The following RAD17 variants were observed in gnomAD, a reference collection of about 807,000 sequenced individuals.
RAD17 encodes the protein cell cycle checkpoint protein RAD17.
RAD17 carries 31 observed loss-of-function variants against 81.5 expected under a neutral mutation model. The ratio of observed to expected loss-of-function variants is 0.38; its 90% CI spans 0.29 to 0.51. The LOEUF is 0.51. Ranked by LOEUF, RAD17 falls within the 20% of genes least tolerant of loss-of-function variation. The pLI is 0.88. For synonymous variants in RAD17, 261 were observed against 266.2 expected (o/e 0.98, Z 0.19); for missense variants, 681 against 781.2 (o/e 0.87, Z 1.53).
intron 17 of RAD17, among the ~76,000 whole-genome samples, chr5:69,406,917 A>G (rs763664718): frequency 6.6e-6 from 1 of 151,926 alleles, no homozygotes; most frequent in Non-Finnish European, 1.5e-5. Context: ...TCATTCTACT[A>G]TATATATATT....
At position 69,413,877 on chromosome 5, in the gene RAD17, T is replaced by C. The variant is rs139562035; in HGVS notation, c.1752-154T>C. On this transcript the variant is annotated intron_variant, in intron 18 of 18. Coordinates refer to ENST00000354868, the MANE Select transcript of RAD17 (RefSeq NM_133338.3). The stretch of plus-strand genomic sequence containing the variant: ...TTGTAGGAACTTATTCAGTTTGTCA[T>C]TTACCTTGTAGTTTTGTTTTTATAG... 4.3e-3 allele frequency among the ~76,000 whole-genome samples: 660 copies of C among 152,356 alleles called. 6 individuals carry two copies. The highest frequency in any genetic ancestry group is 0.015 in the African/African-American group (643 of 41,578).
At chr5:69,387,625 A>G (rs565927084) in intron 11 of RAD17, among the ~76,000 whole-genome samples, 16 of 152,312 alleles carry the variant, frequency 1.1e-4, no homozygotes, top group African/African-American at 3.8e-4. Flanking sequence ...TGGGAGGCCG[A>G]GGTGGGTGTA....
intron 17 of RAD17, among the ~76,000 whole-genome samples, chr5:69,409,390 A>T (rs1283086225): frequency 1.3e-5 from 2 of 152,010 alleles, no homozygotes; most frequent in Non-Finnish European, 2.9e-5. Flanking sequence ...TCTTGGCTGT[A>T]CCCACCTGGA....
At chr5:69,382,184 G>T in intron 7 of RAD17, 127 bp downstream of exon 7, 9 of 1,104,090 alleles carry the variant, frequency 8.2e-6, no homozygotes, top group Non-Finnish European at 1.0e-5. Flanking sequence ...AATTTCACAG[G>T]CCAGGTGCGA....
intron 6 of RAD17, among the ~76,000 whole-genome samples, chr5:69,375,836 T>A (rs149939411): frequency 0.011 from 1,714 of 152,162 alleles, 18 homozygotes; most frequent in Non-Finnish European, 0.017. Flanking sequence ...TAGGCCTTTT[T>A]TTTTTTCCCT....
chr5:69,383,380 A>C (rs146647452), intron 7 of RAD17, among the ~76,000 whole-genome samples: 1 of 150,292 alleles, frequency 6.7e-6, no homozygotes, highest in Non-Finnish European at 1.5e-5. Context: ...TATTATTATT[A>C]CTATTATTAT....
chr5:69,373,972 C>T lies in RAD17; in HGVS notation c.152C>T (p.Pro51Leu). ...GPSTLESSRFPARKRGNLSSL... is the reference protein window; with the variant it reads ...GPSTLESSRFLARKRGNLSSL... Reference sequence around the variant, plus strand: ...TCTACATTAGAAAGCAGCAGATTTCCAGCGAGAAAAAGAGGAAATCTATCT... The same window carrying T: ...TCTACATTAGAAAGCAGCAGATTTCTAGCGAGAAAAAGAGGAAATCTATCT... The change falls in exon 5 of 19, where the codon CCA (proline) becomes CTA (leucine). Residue 51 changes from proline to leucine, a missense_variant. Transcript: ENST00000354868. 6.2e-7 allele frequency: 1 copy of T among 1,613,240 alleles called. No homozygotes were observed. The highest frequency in any genetic ancestry group is 8.5e-7 in the Non-Finnish European group (1 of 1,179,626).
upstream of RAD17, chr5:69,369,493 T>A: frequency 6.2e-7 from 1 of 1,611,268 alleles, no homozygotes; most frequent in Non-Finnish European, 8.5e-7. Context: ...AGCAACATGG[T>A]CCCCGCCGCG....
rs371945314 is a variant in RAD17 at position 69,400,025 on chromosome 5, C to G, written c.1573-24C>G. 602 of 1,313,114 alleles carry G rather than the reference C, an allele frequency of 4.6e-4. 1 individual carries two copies. The highest frequency in any genetic ancestry group is 5.0e-4 in the Non-Finnish European group (489 of 968,854). 81.3% of individuals were successfully genotyped at this position (1,313,114 alleles called of 1,614,324 possible). On this transcript the variant is annotated intron_variant, in intron 16 of 18. Coordinates refer to ENST00000354868, the MANE Select transcript of RAD17 (RefSeq NM_133338.3). ...TTTTTAATTTCATTTTTCCTTTCAT[C>G]TTTTTTTTTTCTTTTCTATACAGTA... is the stretch of plus-strand genomic sequence containing the variant.
At chr5:69,413,946 T>C in intron 18 of RAD17, 85 bp from the exon 19 acceptor site, 2 of 1,483,544 alleles carry the variant, frequency 1.3e-6, no homozygotes, top group Non-Finnish European at 1.8e-6. Context: ...AAATGAAAGA[T>C]GGCTTCATAA....
At chr5:69,371,689 AAGTCTG>A in intron 3 of RAD17, 132 bp downstream of exon 3, 1 of 478,674 alleles carries the variant, frequency 2.1e-6, no homozygotes, top group Non-Finnish European at 3.4e-6. Flanking sequence ...TGATTTAAGC[AAGTCTG>A]GTAATAAGTT....
intron 17 of RAD17, among the ~76,000 whole-genome samples, chr5:69,404,279 C>G (rs1293911526): frequency 6.6e-6 from 1 of 152,212 alleles, no homozygotes; most frequent in East Asian, 1.9e-4. Flanking sequence ...AAAGCCTCTG[C>G]ACAGCAAAGG....
At chr5:69,405,508 A>G (rs888651586) in intron 17 of RAD17, among the ~76,000 whole-genome samples, 1 of 151,990 alleles carries the variant, frequency 6.6e-6, no homozygotes, top group African/African-American at 2.4e-5. Context: ...CTCTACTAAA[A>G]ATACAAAAAT....
chr5:69,409,453 GA>G (rs1426674415), intron 17 of RAD17, among the ~76,000 whole-genome samples: 5 of 152,160 alleles, frequency 3.3e-5, no homozygotes, highest in Admixed American at 2.0e-4. Context: ...GAATGGGAGG[GA>G]GGAGATAGTG....
intron 17 of RAD17, among the ~76,000 whole-genome samples, chr5:69,406,412 A>G (rs1350014674): frequency 6.6e-6 from 1 of 151,990 alleles, no homozygotes; most frequent in East Asian, 1.9e-4. Context: ...ATCAAAGAAT[A>G]CAAAATTTTG....
intron 13 of RAD17, 64 bp from the exon 14 acceptor site, chr5:69,393,091 A>T (rs1764644360): frequency 9.0e-7 from 1 of 1,108,048 alleles, no homozygotes; most frequent in African/African-American, 1.6e-5. Context: ...AACTCTTCAA[A>T]TGAGAGGTGC....
chr5:69,398,506 A>G (rs1438757607), intron 16 of RAD17, among the ~76,000 whole-genome samples: 1 of 152,134 alleles, frequency 6.6e-6, no homozygotes, highest in African/African-American at 2.4e-5. Context: ...CTAATGATTA[A>G]AAGTCAGATA....
chr5:69,371,951 A>G (rs1763035750), intron 3 of RAD17, 83 bp from the exon 4 acceptor site: 2 of 736,196 alleles, frequency 2.7e-6, no homozygotes, highest in Admixed American at 3.9e-5. Flanking sequence ...CAGGGTAGCT[A>G]TTTCCCTAAG....
chr5:69,392,023 T>G lies in RAD17; in HGVS notation c.1189+10T>G, dbSNP rs760098265. 6.7e-7 allele frequency: 1 copy of G among 1,497,512 alleles called. No individual in the cohort carries two copies. Among genetic ancestry groups the G allele is most frequent in the Admixed American group, 2.5e-5 (1 of 40,276 alleles). 92.8% of individuals were successfully genotyped at this position (1,497,512 alleles called of 1,614,324 possible). On this transcript the variant is annotated intron_variant, in intron 13 of 18. Transcript: ENST00000354868. The stretch of plus-strand genomic sequence containing the variant: ...ATTCTATATTGTAAAAGTAAGAAAT[T>G]TTTACACTTTTAAAATCTGTTGGAT...
Sources: allele counts gnomAD v4.1 joint callset (sites outside exome capture counted in the v4.1 genomes callset), GRCh38; gene constraint gnomAD v4.1.1; transcripts MANE v1.5; gene names NCBI Gene and HGNC (gene_info 2026-07-23, HGNC 2026-07-21).